Variants in DMXL1 observed in about 807,000 individuals in gnomAD.
The protein encoded by DMXL1 is dmX-like protein 1.
DMXL1 carries 99 observed loss-of-function variants against 319.2 expected under a neutral mutation model. The observed-to-expected ratio is 0.31, with a 90% CI of 0.26 to 0.37. The LOEUF (loss-of-function observed/expected upper bound fraction) is 0.37. Among genes scored for constraint, DMXL1 ranks in the 10% least tolerant of loss-of-function variants. The pLI is 1.00. For synonymous variants in DMXL1, 1,385 were observed against 1,235.2 expected (o/e 1.12, Z -2.54); for missense variants, 3,745 against 3,595.6 (o/e 1.04, Z -1.06).
At chr5:119,216,871 C>A in intron 34 of DMXL1, 30 bp from the exon 35 acceptor site, 1 of 1,221,604 alleles carries the variant, frequency 8.2e-7, no homozygotes, top group South Asian at 1.3e-5. Flanking sequence ...AAAATCAGTG[C>A]ATTTTTGTGT....
At chr5:119,207,801 C>T (rs1421405843) in intron 34 of DMXL1, among the ~76,000 whole-genome samples, 11 of 152,120 alleles carry the variant, frequency 7.2e-5, no homozygotes, top group Non-Finnish European at 1.5e-4. Flanking sequence ...GGATTACAGG[C>T]GTGAGCCACC....
At position 119,249,057 on chromosome 5, in the gene DMXL1, C is replaced by A. The variant is rs1282517393; in HGVS notation, c.*1838C>A. On this transcript the variant is annotated 3_prime_UTR_variant, in exon 44 of 44. Transcript: ENST00000539542. Reference sequence around the variant, plus strand: ...TTGAGCATTTATATGGATAATCATACATTATGTAAGCCCATATGTATTTAC... The same window carrying A: ...TTGAGCATTTATATGGATAATCATAAATTATGTAAGCCCATATGTATTTAC... 2 of 152,494 alleles carry A rather than the reference C, an allele frequency of 1.3e-5. No homozygotes were observed. The highest frequency in any genetic ancestry group is 2.4e-5 in the African/African-American group (1 of 41,426). The allele number at this position is 152,494 out of a possible 1,614,324, so 9.4% of individuals were successfully genotyped here.
At chr5:119,237,470 C>A in intron 40 of DMXL1, 56 bp downstream of exon 40, 2 of 1,049,834 alleles carry the variant, frequency 1.9e-6, no homozygotes, top group Non-Finnish European at 2.9e-6. Context: ...TTAAATAAAC[C>A]AAGAATACGT....
At chr5:119,180,587 T>G (rs1776604054) in intron 28 of DMXL1, among the ~76,000 whole-genome samples, 1 of 152,248 alleles carries the variant, frequency 6.6e-6, no homozygotes, top group South Asian at 2.1e-4. Flanking sequence ...TTACCTTTGC[T>G]TATTAAAATA....
Position 119,077,051 on chromosome 5 carries a change from C to T in DMXL1, c.87+5395C>T, listed in dbSNP as rs148108609. 3.3e-3 allele frequency among the ~76,000 whole-genome samples: 505 copies of T among 152,300 alleles called. 1 individual carries two copies. Among genetic ancestry groups the T allele is most frequent in the Non-Finnish European group, 5.9e-3 (403 of 68,020 alleles). On this transcript the variant is annotated intron_variant, in intron 1 of 43. Coordinates refer to ENST00000539542, the MANE Select transcript of DMXL1 (RefSeq NM_001290321.3). ...TTTAAATAAAAAGAGATGGGGGTCT[C>T]ACTGTATTGACCAGGCATGACCAGG...
At chr5:119,089,292 A>ATATATATATATATATAT (rs1193170456) in intron 1 of DMXL1, among the ~76,000 whole-genome samples, 1 of 39,882 alleles carries the variant, frequency 2.5e-5, no homozygotes, top group Non-Finnish European at 4.5e-5. Flanking sequence ...ATATATATAT[A>ATATATATATATATATAT]TTTTTTTTTT....
At chr5:119,111,551 G>A (rs964431472) in intron 5 of DMXL1, among the ~76,000 whole-genome samples, 2 of 152,132 alleles carry the variant, frequency 1.3e-5, no homozygotes, top group Admixed American at 6.5e-5. Context: ...AAGAAATGCT[G>A]CTTTAGAGTT....
intron 14 of DMXL1, 43 bp downstream of exon 14, chr5:119,143,973 T>G: frequency 1.6e-6 from 2 of 1,259,236 alleles, no homozygotes; most frequent in Non-Finnish European, 2.2e-6. Context: ...AAAAAAAGTT[T>G]ATGAAAGCAT....
intron 1 of DMXL1, among the ~76,000 whole-genome samples, chr5:119,075,838 T>G (rs1750722730): frequency 6.6e-6 from 1 of 152,170 alleles, no homozygotes; most frequent in African/African-American, 2.4e-5. Context: ...CTGCTGGGAT[T>G]ACAGACGTGA....
chr5:119,111,577 A>G (rs908177696), intron 5 of DMXL1, among the ~76,000 whole-genome samples: 1 of 152,192 alleles, frequency 6.6e-6, no homozygotes, highest in African/African-American at 2.4e-5. Context: ...AAGACTAAGA[A>G]TGACACCCAA....
chr5:119,186,727 A>G (rs1003664046), intron 28 of DMXL1, among the ~76,000 whole-genome samples: 4 of 152,118 alleles, frequency 2.6e-5, no homozygotes, highest in South Asian at 2.1e-4. Flanking sequence ...CCTGTTAGCC[A>G]TTTCTCCATT....
At chr5:119,212,538 G>C (rs1415931406) in intron 34 of DMXL1, among the ~76,000 whole-genome samples, 1 of 152,084 alleles carries the variant, frequency 6.6e-6, no homozygotes, top group Non-Finnish European at 1.5e-5. Flanking sequence ...CTGAATCTCT[G>C]CTTTCAGTTT....
chr5:119,101,900 A>G (rs751183045), intron 2 of DMXL1, 35 bp from the exon 3 acceptor site: 62 of 1,389,442 alleles, frequency 4.5e-5, no homozygotes, highest in Non-Finnish European at 5.3e-5. Context: ...GTAAGTTAAC[A>G]TATCCCTAAT....
rs928721436 is a variant in DMXL1, at chr5:119,121,811, G to A, written c.1102+672G>A. ...GAGCTGTTGGGTACACCTCCCAGAC[G>A]GGGTGGTGGCCGGGCAGAGGGGCTC... On this transcript the variant is annotated intron_variant, in intron 9 of 43. Transcript: ENST00000539542. Among the ~76,000 whole-genome samples the A allele has an allele frequency of 4.0e-3, 604 of 152,266 alleles. 2 individuals carry two copies. The highest frequency in any genetic ancestry group is 3.4e-3 in the Non-Finnish European group (231 of 67,998).
intron 34 of DMXL1, 91 bp from the exon 35 acceptor site, chr5:119,216,806 ATAAT>A: frequency 1.4e-6 from 1 of 707,186 alleles, no homozygotes. Context: ...CTTTCTTAAA[ATAAT>A]TTATGCAAGT....
rs547442267 is a variant in DMXL1 at position 119,220,546 on chromosome 5, A to T, written c.8088A>T (p.Thr2696=). The part of the protein sequence containing the change: ...QELDVSGILA[T]QVYTWVDDDI... ...TGGATGTTTCTGGAATTCTGGCCACACAGGTCTACACTTGGGTAGATGATG... is the reference window on the plus strand; with the variant it reads ...TGGATGTTTCTGGAATTCTGGCCACTCAGGTCTACACTTGGGTAGATGATG... Residue 2696 remains threonine (T), a synonymous_variant, in exon 36 of 44, where the codon ACA becomes ACT. Coordinates refer to ENST00000539542, the MANE Select transcript of DMXL1 (RefSeq NM_001290321.3). 3 of 1,613,890 alleles carry T rather than the reference A, an allele frequency of 1.9e-6. No individual in the cohort carries two copies. Among genetic ancestry groups the T allele is most frequent in the East Asian group, 4.5e-5 (2 of 44,822 alleles).
rs539090369 is a variant in DMXL1, at chr5:119,089,451, G to A, written c.88-8528G>A. ...CTCCCGAGTAGCTGGAATTACAGGC[G>A]CGCACCACCACACCCTGCTCATTTT... On this transcript the variant is annotated intron_variant, in intron 1 of 43. Transcript: ENST00000539542. 4.7e-5 allele frequency among the ~76,000 whole-genome samples: 7 copies of A among 147,670 alleles called. No homozygotes were observed. In the East Asian group the frequency reaches 8.0e-4, roughly 17 times the overall value.
At chr5:119,216,094 CAAAAAAAAAAAAAAA>C (rs773591355) in intron 34 of DMXL1, among the ~76,000 whole-genome samples, 4 of 37,362 alleles carry the variant, frequency 1.1e-4, no homozygotes, top group South Asian at 2.1e-3. Context: ...GCATCCATCT[CAAAAAAAAAAAAAAA>C]AAAAAAAAAA....
At chr5:119,131,975 A>T (rs573246099) in intron 10 of DMXL1, among the ~76,000 whole-genome samples, 1 of 152,222 alleles carries the variant, frequency 6.6e-6, no homozygotes, top group East Asian at 1.9e-4. Context: ...AATCTGAAGA[A>T]AAATATATAC....
Sources: allele counts gnomAD v4.1 joint callset (sites outside exome capture counted in the v4.1 genomes callset), GRCh38; gene constraint gnomAD v4.1.1; transcripts MANE v1.5; gene names NCBI Gene and HGNC (gene_info 2026-07-23, HGNC 2026-07-21).